Variants in HS3ST2 observed in about 807,000 individuals in gnomAD.
HS3ST2 encodes heparan sulfate-glucosamine 3-sulfotransferase 2.
In HS3ST2, 17 loss-of-function variants were observed where a neutral mutation model predicts 26.3. That is an observed-to-expected ratio of 0.65 (90% confidence interval 0.44 to 0.97). The LOEUF (loss-of-function observed/expected upper bound fraction) is 0.97. Among genes scored for constraint, HS3ST2 ranks in the 50% least tolerant of loss-of-function variants. The pLI is 0.00. For missense variants in HS3ST2, 402 were observed against 501.2 expected (o/e 0.80, Z 1.89); for synonymous variants, 237 against 219.2 (o/e 1.08, Z -0.72).
chr16:22,846,653 C>T (rs369585151), intron 1 of HS3ST2, among the ~76,000 whole-genome samples: 2 of 152,092 alleles, frequency 1.3e-5, no homozygotes, highest in African/African-American at 4.8e-5. Flanking sequence ...ATGAGAGGTT[C>T]GAGGAACTAC....
In HS3ST2 at chr16:22,915,611, G is replaced by A. The variant is rs765146487; in HGVS notation, c.*49G>A. ...AAGGGCTCTTCTGCTCATCTCTTCC[G>A]TGAGATTTGCTCCCAGACCCTCTGA... On this transcript the variant is annotated 3_prime_UTR_variant, in exon 2 of 2. Coordinates refer to ENST00000261374, the MANE Select transcript of HS3ST2 (RefSeq NM_006043.2). 1.1e-5 allele frequency: 17 copies of A among 1,560,848 alleles called. No individual in the cohort carries two copies. The highest frequency in any genetic ancestry group is 4.5e-5 in the East Asian group (2 of 44,502).
chr16:22,907,586 G>A (rs972593213), intron 1 of HS3ST2, among the ~76,000 whole-genome samples: 3 of 152,214 alleles, frequency 2.0e-5, no homozygotes, highest in African/African-American at 7.2e-5. Context: ...GAAGAGTTAA[G>A]AATGATTCTG....
At chr16:22,909,755 G>A (rs910344069) in intron 1 of HS3ST2, among the ~76,000 whole-genome samples, 4 of 152,102 alleles carry the variant, frequency 2.6e-5, no homozygotes, top group Non-Finnish European at 4.4e-5. Flanking sequence ...AAATTAGAAG[G>A]GTGGGCCGAG....
chr16:22,843,808 A>G (rs1901393657), intron 1 of HS3ST2, among the ~76,000 whole-genome samples: 1 of 152,166 alleles, frequency 6.6e-6, no homozygotes, highest in Admixed American at 6.5e-5. Flanking sequence ...TCTCCAGCAT[A>G]TAGGGTGGAG....
At chr16:22,886,971 C>G (rs1902068695) in intron 1 of HS3ST2, among the ~76,000 whole-genome samples, 1 of 152,116 alleles carries the variant, frequency 6.6e-6, no homozygotes. Flanking sequence ...AGGCCAGTCT[C>G]AAACTCCTGA....
intron 1 of HS3ST2, among the ~76,000 whole-genome samples, chr16:22,889,737 G>A (rs1596627429): frequency 6.6e-6 from 1 of 151,958 alleles, no homozygotes; most frequent in East Asian, 1.9e-4. Context: ...TTTAGGTGAT[G>A]GAAACAAGAT....
At chr16:22,880,469 C>T (rs1392848484) in intron 1 of HS3ST2, among the ~76,000 whole-genome samples, 1 of 152,170 alleles carries the variant, frequency 6.6e-6, no homozygotes, top group Non-Finnish European at 1.5e-5. Flanking sequence ...AAAAAACCTT[C>T]AGTAACAAAG....
At chr16:22,823,939 TG>T (rs1334300737) in intron 1 of HS3ST2, among the ~76,000 whole-genome samples, 4 of 152,224 alleles carry the variant, frequency 2.6e-5, no homozygotes, top group Non-Finnish European at 4.4e-5. Flanking sequence ...ATAAAGGGTG[TG>T]GTGAGCATTT....
intron 1 of HS3ST2, among the ~76,000 whole-genome samples, chr16:22,880,488 AC>A (rs1596624108): frequency 6.6e-6 from 1 of 152,166 alleles, no homozygotes; most frequent in Non-Finnish European, 1.5e-5. Context: ...AGTATAGACA[AC>A]CAATGTGTAC....
At chr16:22,895,963 A>G (rs908975038) in intron 1 of HS3ST2, among the ~76,000 whole-genome samples, 7 of 151,750 alleles carry the variant, frequency 4.6e-5, no homozygotes, top group Non-Finnish European at 7.4e-5. Flanking sequence ...TGATGTATCA[A>G]ATTATTAATT....
At chr16:22,874,289 T>A (rs546752498) in intron 1 of HS3ST2, among the ~76,000 whole-genome samples, 1 of 152,342 alleles carries the variant, frequency 6.6e-6, no homozygotes, top group East Asian at 1.9e-4. Context: ...TAATCTACCT[T>A]TTGCTTCTCA....
chr16:22,820,865 T>C (rs1453219393), intron 1 of HS3ST2, among the ~76,000 whole-genome samples: 1 of 152,254 alleles, frequency 6.6e-6, no homozygotes, highest in African/African-American at 2.4e-5. Context: ...TGAAAGGTTC[T>C]AAGAAGCGTC....
chr16:22,842,573 A>G (rs1901374309), intron 1 of HS3ST2, among the ~76,000 whole-genome samples: 1 of 152,066 alleles, frequency 6.6e-6, no homozygotes, highest in Non-Finnish European at 1.5e-5. Flanking sequence ...CTACTTATTT[A>G]TATTTTTATC....
chr16:22,853,799 G>A (rs1901551620), intron 1 of HS3ST2, among the ~76,000 whole-genome samples: 1 of 152,080 alleles, frequency 6.6e-6, no homozygotes, highest in Non-Finnish European at 1.5e-5. Flanking sequence ...TCCAAGGAAG[G>A]CATCTCCCCA....
chr16:22,837,483 ATG>A (rs111354737), intron 1 of HS3ST2, among the ~76,000 whole-genome samples: 127 of 144,966 alleles, frequency 8.8e-4, no homozygotes, highest in Middle Eastern at 7.2e-3. Flanking sequence ...TTTTTTTCCT[ATG>A]TGTGTGTGTG....
At chr16:22,895,212 C>T (rs755034498) in intron 1 of HS3ST2, among the ~76,000 whole-genome samples, 3 of 151,966 alleles carry the variant, frequency 2.0e-5, no homozygotes, top group Non-Finnish European at 4.4e-5. Context: ...GCCTCAGCCT[C>T]CCGAGTAGCT....
intron 1 of HS3ST2, among the ~76,000 whole-genome samples, chr16:22,901,092 G>T (rs983482348): frequency 3.3e-5 from 5 of 152,104 alleles, no homozygotes; most frequent in Non-Finnish European, 5.9e-5. Flanking sequence ...CGGGACTCTC[G>T]CAGCTTTGAC....
At chr16:22,841,611 A>G (rs1392314502) in intron 1 of HS3ST2, among the ~76,000 whole-genome samples, 1 of 152,190 alleles carries the variant, frequency 6.6e-6, no homozygotes, top group African/African-American at 2.4e-5. Context: ...CCCACCTACC[A>G]TGTGATTGTC....
chr16:22,915,076 C>T lies in HS3ST2; in HGVS notation c.618C>T (p.Asn206=), dbSNP rs1410115708. Reference sequence around the variant, plus strand: ...CCAAGCTGATCGTGGTTGTGCGGAACCCTGTGACCCGTGCCATCTCTGATT... The same window carrying T: ...CCAAGCTGATCGTGGTTGTGCGGAATCCTGTGACCCGTGCCATCTCTGATT... ...RDTKLIVVVR[N]PVTRAISDYT... The change falls in exon 2 of 2, where the codon AAC becomes AAT. Residue 206 remains asparagine (N), a synonymous_variant. Coordinates refer to ENST00000261374, the MANE Select transcript of HS3ST2 (RefSeq NM_006043.2). 1.2e-6 allele frequency: 2 copies of T among 1,614,084 alleles called. No homozygotes were observed. The highest frequency in any genetic ancestry group is 1.7e-6 in the Non-Finnish European group (2 of 1,180,014).
Sources: gnomAD v4.1 joint callset for allele counts (sites outside exome capture counted in the v4.1 genomes callset) on GRCh38, gnomAD v4.1.1 for gene constraint, MANE v1.5 for transcripts, NCBI Gene and HGNC (gene_info 2026-07-23, HGNC 2026-07-21) for gene names.